TRMT5: variants seen among roughly 807,000 people sequenced by gnomAD.
TRMT5 encodes the protein tRNA (guanine(37)-N(1))-methyltransferase.
TRMT5 carries 31 observed loss-of-function variants against 42.2 expected under a neutral mutation model. That is an observed-to-expected ratio of 0.73 (90% CI 0.55 to 0.99). The LOEUF (loss-of-function observed/expected upper bound fraction) is 0.99. TRMT5 is among the 50% of genes least tolerant of loss of function. The pLI is 0.00. For missense variants in TRMT5, 568 were observed against 595.0 expected (o/e 0.95, Z 0.47); for synonymous variants, 198 against 209.6 (o/e 0.94, Z 0.48).
chr14:60,980,345 G>A (rs2036934218), intron 1 of TRMT5, among the ~76,000 whole-genome samples: 1 of 152,288 alleles, frequency 6.6e-6, no homozygotes, highest in South Asian at 2.1e-4. Flanking sequence ...ATCTTGGGAG[G>A]TGTGCAGTAT....
At chr14:60,981,382 C>G (rs759091590), upstream of TRMT5, 1 of 1,593,144 alleles carries the variant, frequency 6.3e-7, no homozygotes, top group Admixed American at 1.8e-5. Flanking sequence ...TGCTAAGCAA[C>G]GTAAGTGGGC....
chr14:60,980,886 G>A (rs1205515064), intron 1 of TRMT5, 77 bp downstream of exon 1: 10 of 1,605,226 alleles, frequency 6.2e-6, no homozygotes, highest in Non-Finnish European at 8.5e-6. Context: ...TGCCCAGGCA[G>A]CACATGGCAG....
rs1475956497 is a variant in TRMT5 at position 60,974,451 on chromosome 14, C to T, written c.*658G>A. ...CCATATTAAAAACAAAAAACAGCTG[C>T]AGATGATATGTAAACAAATGAGCAT... On this transcript the variant is annotated 3_prime_UTR_variant, in exon 5 of 5. Coordinates refer to ENST00000261249, the MANE Select transcript of TRMT5 (RefSeq NM_020810.3). The T allele has an allele frequency of 1.3e-5, 2 of 152,206 alleles. No homozygotes were observed. The highest frequency in any genetic ancestry group is 2.9e-5 in the Non-Finnish European group (2 of 68,042). The allele number at this position is 152,206 out of a possible 1,614,324, so 9.4% of individuals were successfully genotyped here. A position where few individuals can be genotyped will look rare whatever the true frequency, so the allele number is the denominator to read the frequency against.
chr14:60,979,297 T>C lies in TRMT5; in HGVS notation c.601A>G (p.Ser201Gly), dbSNP rs749599140. ...AGGTGTGCAATATGTCCAATCCTGC[T>C]AAACCCTGAAGTTACATCTTGACCT... is the stretch of plus-strand genomic sequence containing the variant. ...PEGQDVTSGFSRIGHIAHLNL... is the reference protein window; with the variant it reads ...PEGQDVTSGFGRIGHIAHLNL... The change falls in exon 2 of 5, where the codon AGC (serine) becomes GGC (glycine). Residue 201 changes from serine (S) to glycine (G), a missense_variant. Physicochemically the swap from Ser to Gly is moderately conservative, Grantham distance 56. Transcript: ENST00000261249. The C allele has an allele frequency of 6.2e-7, 1 of 1,614,146 alleles. No individual in the cohort carries two copies.
Position 60,974,137 on chromosome 14 carries a change from T to C in TRMT5, c.*972A>G, listed in dbSNP as rs928481190. On this transcript the variant is annotated 3_prime_UTR_variant, in exon 5 of 5. Coordinates refer to ENST00000261249, the MANE Select transcript of TRMT5 (RefSeq NM_020810.3). ...ACAAAGTCCACTTTTCTTGTTTTGC[T>C]ATAATAGATATGCTCTGGTAATAAA... 1.7e-4 allele frequency: 26 copies of C among 152,252 alleles called. No individual in the cohort carries two copies. Among genetic ancestry groups the C allele is most frequent in the African/African-American group, 6.0e-4 (25 of 41,468 alleles). 9.4% of individuals were successfully genotyped at this position (152,252 alleles called of 1,614,324 possible). A position where few individuals can be genotyped will look rare whatever the true frequency, so the allele number is the denominator to read the frequency against.
chr14:60,977,621 T>C lies in TRMT5; in HGVS notation c.685A>G (p.Lys229Glu), dbSNP rs1484333989. The change falls in exon 3 of 5, where the codon AAA (lysine) becomes GAA (glutamate). Residue 229 changes from lysine (K) to glutamate (E), a missense_variant. Transcript: ENST00000261249. ...KHLIGQVMID[K>E]NPGITSAVNK... Reference sequence around the variant, plus strand: ...ACTGCTGAGGTGATTCCTGGATTTTTGTCAATCATAACCTGGCCTAAAAGA... The same window carrying C: ...ACTGCTGAGGTGATTCCTGGATTTTCGTCAATCATAACCTGGCCTAAAAGA... 1 of 1,608,144 alleles carries C rather than the reference T, an allele frequency of 6.2e-7. No homozygotes were observed. Among genetic ancestry groups the C allele is most frequent in the African/African-American group, 1.3e-5 (1 of 74,840 alleles).
upstream of TRMT5, chr14:60,981,331 C>T: frequency 6.2e-7 from 1 of 1,610,616 alleles, no homozygotes; most frequent in Non-Finnish European, 8.5e-7. Context: ...ATGTCTCTGT[C>T]CAGCAGCCTG....
At chr14:60,977,453 AT>A (rs1164643273) in intron 3 of TRMT5, 60 bp downstream of exon 3, 14 of 1,497,350 alleles carry the variant, frequency 9.3e-6, no homozygotes, top group Non-Finnish European at 8.1e-6. Flanking sequence ...AATCTTTGTC[AT>A]CTATTCTGAC....
rs2139644562 is a variant in TRMT5, at chr14:60,979,223, A to T, written c.667+8T>A. On this transcript the variant is annotated splice_region_variant and intron_variant, in intron 2 of 4. Coordinates refer to ENST00000261249, the MANE Select transcript of TRMT5 (RefSeq NM_020810.3). The stretch of plus-strand genomic sequence containing the variant: ...TCAAATACATGAATATTACTATGAC[A>T]CACGTACCAATTAAATGTTTGAAAG... 6.3e-7 allele frequency: 1 copy of T among 1,590,986 alleles called. No homozygotes were observed. Among genetic ancestry groups the T allele is most frequent in the Non-Finnish European group, 8.6e-7 (1 of 1,169,322 alleles).
chr14:60,979,473 G>T lies in TRMT5; in HGVS notation c.425C>A (p.Pro142His). 6.2e-7 allele frequency: 1 copy of T among 1,614,040 alleles called. No individual in the cohort carries two copies. Among genetic ancestry groups the T allele is most frequent in the Non-Finnish European group, 8.5e-7 (1 of 1,179,998 alleles). The change falls in exon 2 of 5, where the codon CCC becomes CAC. Residue 142 changes from proline (P) to histidine (H), a missense_variant. By Grantham distance (77) the Pro-to-His change is moderately conservative. Coordinates refer to ENST00000261249, the MANE Select transcript of TRMT5 (RefSeq NM_020810.3). ...GGAATCATGAGTAAATATTTTATAG[G>T]GATCCAACATGATTAGTCTACTTTC... ...DKESRLIMLD[P>H]YKIFTHDSFE... is the part of the protein sequence containing the mutation.
In TRMT5 at chr14:60,974,956, C is replaced by T. The variant is rs774955744; in HGVS notation, c.*153G>A. The T allele has an allele frequency of 8.9e-6, 4 of 448,060 alleles. No homozygotes were observed. Among genetic ancestry groups the T allele is most frequent in the Non-Finnish European group, 1.6e-5 (4 of 250,490 alleles). 27.8% of individuals were successfully genotyped at this position (448,060 alleles called of 1,614,324 possible). A position where few individuals can be genotyped will look rare whatever the true frequency, so the allele number is the denominator to read the frequency against. ...GGGAATGTATTTGGTAGCCTTAGTTCAGTTAAAGTTTAATTGGTAATCCTC... is the reference window on the plus strand; with the variant it reads ...GGGAATGTATTTGGTAGCCTTAGTTTAGTTAAAGTTTAATTGGTAATCCTC... On this transcript the variant is annotated 3_prime_UTR_variant, in exon 5 of 5. Transcript: ENST00000261249.
intron 3 of TRMT5, among the ~76,000 whole-genome samples, chr14:60,976,798 T>C (rs970264474): frequency 1.3e-5 from 2 of 152,206 alleles, no homozygotes; most frequent in Admixed American, 6.5e-5. Context: ...GTGAAGCTAA[T>C]TCTTGAACAA....
Position 60,975,299 on chromosome 14 carries a change from T to C in TRMT5, c.1445-105A>G, listed in dbSNP as rs2036829158. On this transcript the variant is annotated intron_variant, in intron 4 of 4. Coordinates refer to ENST00000261249, the MANE Select transcript of TRMT5 (RefSeq NM_020810.3). ...ATTTTTAATCTAGTCAACTTAAACA[T>C]GAAATAACATTCTTGCAGATTTACT... 4 of 1,307,960 alleles carry C rather than the reference T, an allele frequency of 3.1e-6. No individual in the cohort carries two copies. In the South Asian group the frequency reaches 5.8e-5, roughly 19 times the overall value. 81.0% of individuals were successfully genotyped at this position (1,307,960 alleles called of 1,614,324 possible).
At chr14:60,981,451 A>G (rs1277825346), upstream of TRMT5, 4 of 1,546,098 alleles carry the variant, frequency 2.6e-6, no homozygotes, top group Middle Eastern at 1.7e-4. Context: ...GCCAAATAAG[A>G]CCCAGAAAAG....
At chr14:60,981,138 C>T (rs2036975050), upstream of TRMT5, 1 of 1,549,330 alleles carries the variant, frequency 6.5e-7, no homozygotes, top group African/African-American at 1.4e-5. Context: ...TCGACTCGCT[C>T]CTCTCCTTCC....
intron 3 of TRMT5, 24 bp downstream of exon 3, chr14:60,977,490 T>C (rs1210818333): frequency 1.3e-6 from 2 of 1,588,842 alleles, no homozygotes; most frequent in Middle Eastern, 2.1e-4. Flanking sequence ...GATATACACC[T>C]TACTTGGAGA....
At chr14:60,977,926 G>A (rs189460181) in intron 2 of TRMT5, among the ~76,000 whole-genome samples, 148 of 152,150 alleles carry the variant, frequency 9.7e-4, no homozygotes, top group Non-Finnish European at 6.3e-4. Flanking sequence ...CTTTTCAAAT[G>A]AACCAATAAA....
chr14:60,979,938 TCTAAATTCTACTATCTCAAATAACGGG>T lies in TRMT5; in HGVS notation c.12-79_12-53del. ...ACACGACAGCTTTTGAGAATAAAAA[TCTAAATTCTACTATCTCAAATAACGGG>T]CTAAATGCTGACAAATAAAACGTTT... is the stretch of plus-strand genomic sequence containing the variant. On this transcript the variant is annotated intron_variant, in intron 1 of 4. Transcript: ENST00000261249. The T allele has an allele frequency of 2.0e-6, 3 of 1,493,250 alleles. No individual in the cohort carries two copies. In the South Asian group the frequency reaches 4.1e-5, roughly 20 times the overall value. 92.5% of individuals were successfully genotyped at this position (1,493,250 alleles called of 1,614,324 possible).
At position 60,975,093 on chromosome 14, in the gene TRMT5, G is replaced by A. The variant is rs1289345816; in HGVS notation, c.*16C>T. ...TACATGTAAGTCTGGTAGGGAGATG[G>A]AGAAAACATTTCCAATTAAGTGTTT... On this transcript the variant is annotated 3_prime_UTR_variant, in exon 5 of 5. Coordinates refer to ENST00000261249, the MANE Select transcript of TRMT5 (RefSeq NM_020810.3). The A allele has an allele frequency of 6.3e-7, 1 of 1,592,728 alleles. No homozygotes were observed. The highest frequency in any genetic ancestry group is 1.8e-5 in the Admixed American group (1 of 56,448).
Sources: gnomAD v4.1 joint callset for allele counts (sites outside exome capture counted in the v4.1 genomes callset) on GRCh38, gnomAD v4.1.1 for gene constraint, MANE v1.5 for transcripts, NCBI Gene and HGNC (gene_info 2026-07-23, HGNC 2026-07-21) for gene names.